Variants in ZNF518B observed in about 807,000 individuals in gnomAD.
The protein encoded by ZNF518B is zinc finger protein 518B.
ZNF518B carries 23 observed loss-of-function variants against 56.3 expected under a neutral mutation model. The ratio of observed to expected loss-of-function variants is 0.41; its 90% CI spans 0.29 to 0.58. The LOEUF is 0.58. ZNF518B is among the 20% of genes least tolerant of loss of function. The probability of loss-of-function intolerance (pLI) is 0.32; values close to 1 mark genes in which losing one functional copy is unlikely to be tolerated. For synonymous variants in ZNF518B, 529 were observed against 465.9 expected (o/e 1.14, Z -1.74); for missense variants, 1,460 against 1,272.1 (o/e 1.15, Z -2.25).
Position 10,444,074 on chromosome 4 carries a change from C to T in ZNF518B, c.2255G>A (p.Ser752Asn), listed in dbSNP as rs1577220313. 1 of 1,614,230 alleles carries T rather than the reference C, an allele frequency of 6.2e-7. No individual in the cohort carries two copies. The highest frequency in any genetic ancestry group is 8.5e-7 in the Non-Finnish European group (1 of 1,180,040). Residue 752 changes from serine to asparagine, a missense_variant, in exon 3 of 3, where the codon AGT becomes AAT. Transcript: ENST00000326756. ...CACTCTGCTTTTGGTTTTCCTATTACTGCCATCTGCAAAGTGTGGATATAT... is the reference window on the plus strand; with the variant it reads ...CACTCTGCTTTTGGTTTTCCTATTATTGCCATCTGCAAAGTGTGGATATAT... The part of the protein sequence containing the change: ...QQIYPHFADG[S>N]NRKTKSRVAR...
At chr4:10,454,023 T>G (rs1422826756) in intron 2 of ZNF518B, 1 of 152,246 alleles carries the variant, frequency 6.6e-6, no homozygotes, top group Non-Finnish European at 1.5e-5. Context: ...ACTGGGATCT[T>G]TAAAAGCTTC....
Position 10,445,722 on chromosome 4 carries a change from C to T in ZNF518B, c.607G>A (p.Asp203Asn). 1 of 1,614,166 alleles carries T rather than the reference C, an allele frequency of 6.2e-7. No homozygotes were observed. Among genetic ancestry groups the T allele is most frequent in the East Asian group, 2.2e-5 (1 of 44,882 alleles). Reference protein sequence around the residue: ...EYCDYGAIRNDYIVKHTKRVH... With the variant: ...EYCDYGAIRNNYIVKHTKRVH... Reference sequence around the variant, plus strand: ...CTCTTCGTGTGTTTGACAATATAATCATTTCTAATAGCACCATAGTCACAA... The same window carrying T: ...CTCTTCGTGTGTTTGACAATATAATTATTTCTAATAGCACCATAGTCACAA... Residue 203 changes from aspartate (D) to asparagine (N), a missense_variant, in exon 3 of 3, where the codon GAT becomes AAT. Physicochemically the swap from Asp to Asn is conservative, Grantham distance 23 (BLOSUM62 1). Coordinates refer to ENST00000326756, the MANE Select transcript of ZNF518B (RefSeq NM_053042.3).
chr4:10,442,173 T>G lies in ZNF518B; in HGVS notation c.*931A>C, dbSNP rs1216331109. On this transcript the variant is annotated 3_prime_UTR_variant, in exon 3 of 3. Coordinates refer to ENST00000326756, the MANE Select transcript of ZNF518B (RefSeq NM_053042.3). Reference sequence around the variant, plus strand: ...CCATGGTCTTTGGATGAATCCCAAATGAAAACTAAAGGGCATATGAAACCC... The same window carrying G: ...CCATGGTCTTTGGATGAATCCCAAAGGAAAACTAAAGGGCATATGAAACCC... The G allele has an allele frequency of 6.6e-6, 1 of 152,154 alleles. No individual in the cohort carries two copies. The highest frequency in any genetic ancestry group is 1.5e-5 in the Non-Finnish European group (1 of 68,026). The allele number at this position is 152,154 out of a possible 1,614,324, so 9.4% of individuals were successfully genotyped here.
intron 2 of ZNF518B, among the ~76,000 whole-genome samples, chr4:10,448,391 A>G (rs1715160574): frequency 6.6e-6 from 1 of 152,144 alleles, no homozygotes; most frequent in Non-Finnish European, 1.5e-5. Flanking sequence ...GCCCCTCCAC[A>G]GGGGCTCAAG....
chr4:10,444,216 C>T lies in ZNF518B; in HGVS notation c.2113G>A (p.Glu705Lys). Reference sequence around the variant, plus strand: ...GACACGTTGATTTCTTGAATACCTTCAGAGGTAGCTTTTGAAGTTCCCTTT... The same window carrying T: ...GACACGTTGATTTCTTGAATACCTTTAGAGGTAGCTTTTGAAGTTCCCTTT... ...ASKGTSKATSEGIQEINVSLT... is the reference protein window; with the variant it reads ...ASKGTSKATSKGIQEINVSLT... The change falls in exon 3 of 3, where the codon GAA (glutamate) becomes AAA (lysine). Residue 705 changes from glutamate (E) to lysine (K), a missense_variant. Coordinates refer to ENST00000326756, the MANE Select transcript of ZNF518B (RefSeq NM_053042.3). 1.2e-6 allele frequency: 2 copies of T among 1,614,218 alleles called. No individual in the cohort carries two copies. The highest frequency in any genetic ancestry group is 1.1e-5 in the South Asian group (1 of 91,090).
At chr4:10,447,036 A>C (rs768542193) in intron 2 of ZNF518B, among the ~76,000 whole-genome samples, 1 of 152,220 alleles carries the variant, frequency 6.6e-6, no homozygotes, top group Non-Finnish European at 1.5e-5. Flanking sequence ...TCTCACTTAC[A>C]TGCTTAATTT....
intron 1 of ZNF518B, among the ~76,000 whole-genome samples, chr4:10,456,857 G>A (rs1715556140): frequency 6.6e-6 from 1 of 152,114 alleles, no homozygotes; most frequent in African/African-American, 2.4e-5. Context: ...GCCCTCGGAG[G>A]AGGCATCCTT....
rs777153664 is a variant in ZNF518B, at chr4:10,443,346, G to C, written c.2983C>G (p.Gln995Glu). 38 of 1,614,164 alleles carry C rather than the reference G, an allele frequency of 2.4e-5. No individual in the cohort carries two copies. The highest frequency in any genetic ancestry group is 3.1e-5 in the Non-Finnish European group (36 of 1,180,032). The change falls in exon 3 of 3, where the codon CAG (glutamine) becomes GAG (glutamate). Residue 995 changes from glutamine (Q) to glutamate (E), a missense_variant. Transcript: ENST00000326756. ...IRRHHVRLTY[Q>E]NAEEASQIKR... The stretch of plus-strand genomic sequence containing the variant: ...ATTTGACTGGCTTCTTCCGCATTCT[G>C]GTAGGTCAGGCGTACATGATGCCGT...
At chr4:10,452,473 G>C (rs1022886101) in intron 2 of ZNF518B, 1 of 152,078 alleles carries the variant, frequency 6.6e-6, no homozygotes, top group South Asian at 2.1e-4. Flanking sequence ...AAAGTGCCCA[G>C]TGAACAATTA....
In ZNF518B at chr4:10,439,980, CA is replaced by C. The variant is rs1167762909; in HGVS notation, c.*3123del. 6.6e-6 allele frequency: 1 copy of C among 152,590 alleles called. No individual in the cohort carries two copies. Among genetic ancestry groups the C allele is most frequent in the Admixed American group, 6.5e-5 (1 of 15,282 alleles). 9.5% of individuals were successfully genotyped at this position (152,590 alleles called of 1,614,324 possible). On this transcript the variant is annotated 3_prime_UTR_variant, in exon 3 of 3. Coordinates refer to ENST00000326756, the MANE Select transcript of ZNF518B (RefSeq NM_053042.3). ...TTTCAAAACCAGAGCAGCAGACACA[CA>C]AACTGTTAACACAGGAATTACAATA...
At chr4:10,457,096 G>GC (rs1715572574) in intron 1 of ZNF518B, 1 of 148,614 alleles carries the variant, frequency 6.7e-6, no homozygotes, top group Non-Finnish European at 1.5e-5. Flanking sequence ...CCCAGCCGGT[G>GC]CCCCACGCCC....
At chr4:10,459,584 G>T (rs899587623), upstream of ZNF518B, among the ~76,000 whole-genome samples, 7 of 152,136 alleles carry the variant, frequency 4.6e-5, no homozygotes, top group Non-Finnish European at 8.8e-5. Flanking sequence ...GGTCATTAGG[G>T]TGGGCCCTTA....
chr4:10,444,106 A>G lies in ZNF518B; in HGVS notation c.2223T>C (p.His741=), dbSNP rs1265999678. Residue 741 remains histidine, a synonymous_variant, in exon 3 of 3, where the codon CAT becomes CAC. Coordinates refer to ENST00000326756, the MANE Select transcript of ZNF518B (RefSeq NM_053042.3). ...GGITGNRQLT[H]QQIYPHFADG... is the part of the protein sequence containing the mutation. Reference sequence around the variant, plus strand: ...CTGCAAAGTGTGGATATATTTGTTGATGAGTAAGCTGTCTATTACCAGTAA... The same window carrying G: ...CTGCAAAGTGTGGATATATTTGTTGGTGAGTAAGCTGTCTATTACCAGTAA... 1 of 1,614,188 alleles carries G rather than the reference A, an allele frequency of 6.2e-7. No homozygotes were observed. Among genetic ancestry groups the G allele is most frequent in the Non-Finnish European group, 8.5e-7 (1 of 1,180,040 alleles).
chr4:10,458,263 G>A (rs972727894), upstream of ZNF518B, among the ~76,000 whole-genome samples: 5 of 152,144 alleles, frequency 3.3e-5, no homozygotes, highest in Non-Finnish European at 7.3e-5. Context: ...GCAGGGGCAG[G>A]TTGAGGCATG....
intron 1 of ZNF518B, among the ~76,000 whole-genome samples, chr4:10,456,197 T>G (rs907858938): frequency 2.0e-5 from 3 of 152,222 alleles, no homozygotes; most frequent in African/African-American, 7.2e-5. Context: ...CTGTAGTTTT[T>G]TTTTTTAATG....
Position 10,444,815 on chromosome 4 carries a change from A to G in ZNF518B, c.1514T>C (p.Phe505Ser), listed in dbSNP as rs1194655010. 1 of 1,614,024 alleles carries G rather than the reference A, an allele frequency of 6.2e-7. No homozygotes were observed. Among genetic ancestry groups the G allele is most frequent in the African/African-American group, 1.3e-5 (1 of 75,034 alleles). ...AAAACAAACAGCAGCTTTATATGGAAAAGGGTTTGATGCAGCTCCAAGACT... is the reference window on the plus strand; with the variant it reads ...AAAACAAACAGCAGCTTTATATGGAGAAGGGTTTGATGCAGCTCCAAGACT... ...LRSLGAASNPFPYKAAVCFAE... is the reference protein window; with the variant it reads ...LRSLGAASNPSPYKAAVCFAE... Residue 505 changes from phenylalanine to serine, a missense_variant, in exon 3 of 3, where the codon TTT (phenylalanine) becomes TCT (serine). Coordinates refer to ENST00000326756, the MANE Select transcript of ZNF518B (RefSeq NM_053042.3).
chr4:10,455,836 A>G (rs1715503286), intron 1 of ZNF518B, among the ~76,000 whole-genome samples: 1 of 152,170 alleles, frequency 6.6e-6, no homozygotes, highest in Non-Finnish European at 1.5e-5. Context: ...ATTGCATCCT[A>G]GTTAAAGATA....
chr4:10,455,740 ATG>A (rs1418306612), intron 1 of ZNF518B, among the ~76,000 whole-genome samples: 1 of 152,242 alleles, frequency 6.6e-6, no homozygotes, highest in African/African-American at 2.4e-5. Context: ...TTTGCAATGA[ATG>A]TTATCAGCAT....
rs180884763 is a variant in ZNF518B at position 10,445,945 on chromosome 4, C to T, written c.384G>A (p.Arg128=). 3 of 1,614,132 alleles carry T rather than the reference C, an allele frequency of 1.9e-6. No homozygotes were observed. The highest frequency in any genetic ancestry group is 1.3e-5 in the African/African-American group (1 of 75,010). ...SSSVNSKFKV[R]NFKPGKYYCD... ...AATAGTATTTGCCTGGCTTAAAGTT[C>T]CTTACCTTAAATTTGCTATTGACAG... Residue 128 remains arginine, a synonymous_variant, in exon 3 of 3, where the codon AGG becomes AGA. Transcript: ENST00000326756.
Sources: allele counts gnomAD v4.1 joint callset (sites outside exome capture counted in the v4.1 genomes callset), GRCh38; gene constraint gnomAD v4.1.1; transcripts MANE v1.5; gene names NCBI Gene and HGNC (gene_info 2026-07-23, HGNC 2026-07-21).